RUVBL2: variants seen among roughly 807,000 people sequenced by gnomAD.
RUVBL2 encodes ruvB-like 2.
In RUVBL2, 9 loss-of-function variants were observed where a neutral mutation model predicts 57.9. That is an observed-to-expected ratio of 0.16 (90% CI 0.09 to 0.27). The LOEUF is 0.27. Among genes scored for constraint, RUVBL2 ranks in the 10% least tolerant of loss-of-function variants. The probability of loss-of-function intolerance (pLI) is 1.00; values close to 1 mark genes in which losing one functional copy is unlikely to be tolerated. For missense variants in RUVBL2, 456 were observed against 669.6 expected (o/e 0.68, Z 3.52); for synonymous variants, 278 against 264.6 (o/e 1.05, Z -0.49).
chr19:49,006,235 G>A (rs960044935), intron 4 of RUVBL2, among the ~76,000 whole-genome samples: 2 of 152,256 alleles, frequency 1.3e-5, no homozygotes, highest in African/African-American at 4.8e-5. Flanking sequence ...TGGGCAGGAG[G>A]GTGTGGTGTC....
intron 11 of RUVBL2, among the ~76,000 whole-genome samples, chr19:49,013,346 C>T (rs568852102): frequency 4.0e-4 from 61 of 151,314 alleles, no homozygotes; most frequent in African/African-American, 1.4e-3. Flanking sequence ...GCAATCCACC[C>T]GCCTCAGCCT....
chr19:48,994,059 G>C, intron 1 of RUVBL2, 136 bp downstream of exon 1: 1 of 973,650 alleles, frequency 1.0e-6, no homozygotes, highest in Non-Finnish European at 1.5e-6. Context: ...TGAAAGAGGA[G>C]GAAGCTCGGC....
intron 1 of RUVBL2, among the ~76,000 whole-genome samples, chr19:48,995,263 A>G (rs2039033700): frequency 6.6e-6 from 1 of 151,446 alleles, no homozygotes; most frequent in Non-Finnish European, 1.5e-5. Flanking sequence ...TCTTTATAGG[A>G]GACAGTCCTT....
At chr19:48,998,077 C>T (rs1415660029) in intron 1 of RUVBL2, among the ~76,000 whole-genome samples, 2 of 152,232 alleles carry the variant, frequency 1.3e-5, no homozygotes, top group Admixed American at 6.5e-5. Context: ...CATCCATCTC[C>T]CTCGGGAATG....
At chr19:49,003,179 C>A in intron 2 of RUVBL2, 100 bp from the exon 3 acceptor site, 2 of 903,408 alleles carry the variant, frequency 2.2e-6, no homozygotes, top group Non-Finnish European at 3.6e-6. Flanking sequence ...TACTCCCACC[C>A]ACCCCTTTGA....
chr19:49,004,516 C>G, intron 4 of RUVBL2, 98 bp downstream of exon 4: 1 of 1,229,822 alleles, frequency 8.1e-7, no homozygotes, highest in Non-Finnish European at 1.1e-6. Context: ...ACAGATGACC[C>G]AAAATGGCAG....
Position 49,015,108 on chromosome 19 carries a change from C to T in RUVBL2, c.1209C>T (p.Ile403=), listed in dbSNP as rs748370088. Residue 403 remains isoleucine, a synonymous_variant, in exon 13 of 15, where the codon ATC becomes ATT. Transcript: ENST00000595090. ...IGLETSLRYA[I]QLITAASLVC... ...TGGAGACGTCACTGCGCTACGCCAT[C>T]CAGCTCATCACAGCTGCCAGCTTGG... 1.2e-6 allele frequency: 2 copies of T among 1,610,096 alleles called. No homozygotes were observed. The highest frequency in any genetic ancestry group is 1.7e-6 in the Non-Finnish European group (2 of 1,178,430).
chr19:49,006,869 G>A (rs761120553), intron 4 of RUVBL2, 149 bp from the exon 5 acceptor site: 29 of 992,144 alleles, frequency 2.9e-5, no homozygotes, highest in Middle Eastern at 3.2e-4. Flanking sequence ...CCTCCCCAGC[G>A]CTCTGCTCAG....
chr19:49,011,825 G>C lies in RUVBL2; in HGVS notation c.1001+515G>C, dbSNP rs1343572161. On this transcript the variant is annotated intron_variant, in intron 11 of 14. Transcript: ENST00000595090. The surrounding 1 kb of genome is among the most constrained non-coding windows in gnomAD (Gnocchi z 4.4). The stretch of plus-strand genomic sequence containing the variant: ...AGGTGTTGCCAGCACCCTGTGCACG[G>C]GGAACTCTTAATGTTGTGTTTGGCC... 8.6e-6 allele frequency among the ~76,000 whole-genome samples: 1 copy of C among 115,952 alleles called. No homozygotes were observed. Among genetic ancestry groups the C allele is most frequent in the Non-Finnish European group, 2.1e-5 (1 of 48,480 alleles). 76.1% of individuals were successfully genotyped at this position (115,952 alleles called of 152,430 possible).
intron 6 of RUVBL2, 100 bp from the exon 7 acceptor site, chr19:49,009,676 C>T (rs908366115): frequency 1.0e-6 from 1 of 993,252 alleles, no homozygotes; most frequent in Non-Finnish European, 1.6e-6. Flanking sequence ...GCTGTGGAAG[C>T]AGAGGCCAGA....
intron 1 of RUVBL2, among the ~76,000 whole-genome samples, chr19:48,996,616 C>A (rs1568631574): frequency 1.3e-5 from 2 of 152,084 alleles, no homozygotes; most frequent in Non-Finnish European, 2.9e-5. Context: ...ACCTCCGCCT[C>A]CTGGGTTCAA....
intron 12 of RUVBL2, 38 bp downstream of exon 12, chr19:49,014,641 G>A (rs1434919031): frequency 5.6e-6 from 9 of 1,611,754 alleles, no homozygotes; most frequent in Non-Finnish European, 6.8e-6. Context: ...GAGACGCAGG[G>A]CTGGGGTCTA....
At chr19:49,010,192 G>T (rs1447536997) in intron 8 of RUVBL2, 126 bp downstream of exon 8, 1 of 934,634 alleles carries the variant, frequency 1.1e-6, no homozygotes, top group Admixed American at 2.1e-5. Flanking sequence ...TGGTACTCCT[G>T]GGTCTTCCCT....
At chr19:49,004,569 T>A (rs2039247856) in intron 4 of RUVBL2, 151 bp downstream of exon 4, 1 of 768,444 alleles carries the variant, frequency 1.3e-6, no homozygotes, top group Non-Finnish European at 2.0e-6. Flanking sequence ...TGGAAGAATC[T>A]AGAGGTAGGC....
chr19:49,003,201 A>T, intron 2 of RUVBL2, 78 bp from the exon 3 acceptor site: 1 of 1,297,452 alleles, frequency 7.7e-7, no homozygotes, highest in Non-Finnish European at 1.1e-6. Flanking sequence ...AAAGAAGGAA[A>T]CCAGGGCTCA....
chr19:49,012,710 G>A (rs1446737377), intron 11 of RUVBL2, among the ~76,000 whole-genome samples: 4 of 152,254 alleles, frequency 2.6e-5, no homozygotes, highest in Non-Finnish European at 4.4e-5. Flanking sequence ...CGCTCATGCT[G>A]TAAATAAGTG....
At chr19:49,010,218 C>A in intron 8 of RUVBL2, 152 bp downstream of exon 8, 1 of 785,336 alleles carries the variant, frequency 1.3e-6, no homozygotes, top group Non-Finnish European at 2.1e-6. Flanking sequence ...CCTAGGACAG[C>A]AGGGCCCCTC....
intron 2 of RUVBL2, 48 bp downstream of exon 2, chr19:48,999,421 G>T: frequency 1.9e-6 from 3 of 1,601,858 alleles, no homozygotes; most frequent in East Asian, 2.2e-5. Flanking sequence ...CCTGCCATGT[G>T]CCCTGACAGA....
chr19:49,009,888 C>T lies in RUVBL2; in HGVS notation c.569+6C>T, dbSNP rs1157910149. ...AAGGACAAGGTCCAGGCCGGGTGAGCAGTCAGGGGCCATGCCAGGCAGCCA... is the reference window on the plus strand; with the variant it reads ...AAGGACAAGGTCCAGGCCGGGTGAGTAGTCAGGGGCCATGCCAGGCAGCCA... On this transcript the variant is annotated splice_donor_region_variant and intron_variant, in intron 7 of 14. Coordinates refer to ENST00000595090, the MANE Select transcript of RUVBL2 (RefSeq NM_006666.3). 5 of 1,613,656 alleles carry T rather than the reference C, an allele frequency of 3.1e-6. No individual in the cohort carries two copies. The highest frequency in any genetic ancestry group is 4.2e-6 in the Non-Finnish European group (5 of 1,179,724).
Sources: gnomAD v4.1 joint callset for allele counts (sites outside exome capture counted in the v4.1 genomes callset) on GRCh38, gnomAD v4.1.1 for gene constraint, Gnocchi (gnomAD v3.1) non-coding constraint, MANE v1.5 for transcripts, NCBI Gene and HGNC (gene_info 2026-07-23, HGNC 2026-07-21) for gene names.